The following SH3GL2 variants were observed in gnomAD, a reference collection of about 807,000 sequenced individuals.
SH3GL2 encodes the protein endophilin-A1.
SH3GL2 carries 24 observed loss-of-function variants against 46.0 expected under a neutral mutation model. That is an observed-to-expected ratio of 0.52 (90% CI 0.38 to 0.73). The LOEUF (loss-of-function observed/expected upper bound fraction) is 0.73, where lower values mean the gene tolerates loss of function less well. Among genes scored for constraint, SH3GL2 ranks in the 30% least tolerant of loss-of-function variants. The pLI, the probability that SH3GL2 is intolerant of heterozygous loss-of-function variation, is 0.00. For synonymous variants in SH3GL2, 196 were observed against 147.1 expected (o/e 1.33, Z -2.40); for missense variants, 413 against 424.2 (o/e 0.97, Z 0.23).
At chr9:17,738,641 T>TATATATATATATATATAGAGAGAGAG (rs376280314) in intron 1 of SH3GL2, among the ~76,000 whole-genome samples, 1 of 88,880 alleles carries the variant, frequency 1.1e-5, no homozygotes, top group Non-Finnish European at 2.3e-5. Context: ...TATATATATA[T>TATATATATATATATATAGAGAGAGAG]AGAGAGAGAG....
chr9:17,697,515 C>T (rs1446997611), intron 1 of SH3GL2, among the ~76,000 whole-genome samples: 1 of 152,138 alleles, frequency 6.6e-6, no homozygotes, highest in South Asian at 2.1e-4. Flanking sequence ...AGCCACCGTG[C>T]CTGGCCTCAA....
intron 2 of SH3GL2, among the ~76,000 whole-genome samples, chr9:17,758,532 A>T (rs1823070268): frequency 7.9e-6 from 1 of 126,360 alleles, no homozygotes; most frequent in South Asian, 2.9e-4. Context: ...ACTGCACTCC[A>T]GCCTGGGGGA....
intron 1 of SH3GL2, among the ~76,000 whole-genome samples, chr9:17,700,095 A>G (rs1351237846): frequency 1.4e-5 from 2 of 146,060 alleles, no homozygotes; most frequent in Non-Finnish European, 3.0e-5. Context: ...GAAGAAGAAC[A>G]TATGGTCATA....
intron 1 of SH3GL2, among the ~76,000 whole-genome samples, chr9:17,702,749 A>G (rs906071618): frequency 6.6e-5 from 10 of 152,140 alleles, no homozygotes; most frequent in African/African-American, 1.9e-4. Context: ...TGAGTCTTCC[A>G]GTAAGTAAAT....
intron 1 of SH3GL2, among the ~76,000 whole-genome samples, chr9:17,601,590 T>C (rs1279790089): frequency 1.2e-4 from 19 of 152,216 alleles, no homozygotes; most frequent in Admixed American, 1.2e-3. Flanking sequence ...CATCTTCCCA[T>C]GTAAGCTTCA....
chr9:17,788,616 T>C (rs1397551439), intron 5 of SH3GL2, among the ~76,000 whole-genome samples: 2 of 152,260 alleles, frequency 1.3e-5, no homozygotes, highest in Admixed American at 6.5e-5. Context: ...TCACTAGAGA[T>C]GATGGGTGGA....
chr9:17,668,136 G>A (rs1348166286), intron 1 of SH3GL2, among the ~76,000 whole-genome samples: 1 of 152,164 alleles, frequency 6.6e-6, no homozygotes, highest in Non-Finnish European at 1.5e-5. Context: ...TTTTGATGAG[G>A]TCCAGCTTAC....
chr9:17,729,281 G>C (rs10118865), intron 1 of SH3GL2, among the ~76,000 whole-genome samples: 1 of 151,926 alleles, frequency 6.6e-6, no homozygotes, highest in East Asian at 1.9e-4. Flanking sequence ...AAAAGTGTCT[G>C]TTTAAATCCT....
rs1824266751 is a variant in SH3GL2, at chr9:17,796,037, T to G, written c.*294T>G. ...CAGGAGGCTGTGGTTTCTTAGAATA[T>G]GACCATGAGCCATTTCACAGAAAAA... On this transcript the variant is annotated 3_prime_UTR_variant, in exon 9 of 9. Coordinates refer to ENST00000380607, the MANE Select transcript of SH3GL2 (RefSeq NM_003026.5). 2.0e-5 allele frequency: 7 copies of G among 354,214 alleles called. No individual in the cohort carries two copies. Among genetic ancestry groups the G allele is most frequent in the Admixed American group, 4.2e-5 (1 of 24,034 alleles). 21.9% of individuals were successfully genotyped at this position (354,214 alleles called of 1,614,324 possible).
At chr9:17,760,641 T>C (rs1332166942) in intron 2 of SH3GL2, among the ~76,000 whole-genome samples, 2 of 152,194 alleles carry the variant, frequency 1.3e-5, no homozygotes, top group East Asian at 3.9e-4. Flanking sequence ...CTTTCATTTA[T>C]ACCTATGTCA....
intron 1 of SH3GL2, among the ~76,000 whole-genome samples, chr9:17,606,311 T>G (rs539891181): frequency 9.8e-4 from 149 of 152,284 alleles, no homozygotes; most frequent in African/African-American, 3.2e-3. Context: ...CAGGCTGGTC[T>G]TGAACTCCTG....
At chr9:17,601,463 G>A (rs886249408) in intron 1 of SH3GL2, among the ~76,000 whole-genome samples, 15 of 152,110 alleles carry the variant, frequency 9.9e-5, no homozygotes, top group African/African-American at 2.4e-4. Flanking sequence ...GTGTTTGTGC[G>A]TGCCTCTGCA....
At position 17,695,814 on chromosome 9, in the gene SH3GL2, A is replaced by T. The variant is rs142348794; in HGVS notation, c.46-51252A>T. Among the ~76,000 whole-genome samples the T allele has an allele frequency of 2.8e-3, 418 of 149,536 alleles. 2 individuals are homozygous for T. The highest frequency in any genetic ancestry group is 0.01 in the African/African-American group (401 of 39,016). On this transcript the variant is annotated intron_variant, in intron 1 of 8. Coordinates refer to ENST00000380607, the MANE Select transcript of SH3GL2 (RefSeq NM_003026.5). ...TGGAAACATTGTGAAAAAAATCTTG[A>T]TGTCTCTGAAATTGGAGGATGGTAT...
intron 3 of SH3GL2, among the ~76,000 whole-genome samples, chr9:17,763,471 A>G (rs1563844353): frequency 1.3e-5 from 2 of 152,206 alleles, no homozygotes; most frequent in South Asian, 2.1e-4. Context: ...AACACAGGAA[A>G]GAAGGCCACG....
chr9:17,621,804 G>A (rs1010029168), intron 1 of SH3GL2, among the ~76,000 whole-genome samples: 1 of 152,150 alleles, frequency 6.6e-6, no homozygotes, highest in African/African-American at 2.4e-5. Flanking sequence ...AAATTTTACT[G>A]TAAAATTTCT....
chr9:17,632,307 A>G (rs1003944127), intron 1 of SH3GL2, among the ~76,000 whole-genome samples: 1 of 152,224 alleles, frequency 6.6e-6, no homozygotes, highest in African/African-American at 2.4e-5. Context: ...AATCTCTAAC[A>G]CAACTATTTT....
chr9:17,663,510 A>T (rs1820272048), intron 1 of SH3GL2, among the ~76,000 whole-genome samples: 1 of 152,216 alleles, frequency 6.6e-6, no homozygotes, highest in East Asian at 1.9e-4. Flanking sequence ...AATTTTGTGA[A>T]TCAAAGAACT....
chr9:17,651,980 A>G (rs1489218350), intron 1 of SH3GL2, among the ~76,000 whole-genome samples: 3 of 152,072 alleles, frequency 2.0e-5, no homozygotes, highest in Non-Finnish European at 4.4e-5. Context: ...CTTCCAAATT[A>G]TTAGCCTTTT....
intron 1 of SH3GL2, among the ~76,000 whole-genome samples, chr9:17,625,934 A>T (rs1819269953): frequency 6.6e-6 from 1 of 152,216 alleles, no homozygotes; most frequent in East Asian, 1.9e-4. Flanking sequence ...AGAGAAAACC[A>T]TGTGACAGCA....
Sources: allele counts gnomAD v4.1 joint callset (sites outside exome capture counted in the v4.1 genomes callset), GRCh38; gene constraint gnomAD v4.1.1; transcripts MANE v1.5; gene names NCBI Gene and HGNC (gene_info 2026-07-23, HGNC 2026-07-21).